Variants in BANK1 observed in about 807,000 individuals in gnomAD.
BANK1 encodes B cell scaffold protein with ankyrin repeats 1.
BANK1 carries 95 observed loss-of-function variants against 94.5 expected under a neutral mutation model. The ratio of observed to expected loss-of-function variants is 1.00; its 90% CI spans 0.85 to 1.19. The LOEUF is 1.19. Among genes scored for constraint, BANK1 ranks in the 50% most tolerant of loss-of-function variants. The pLI is 0.00. For missense variants in BANK1, 987 were observed against 932.2 expected (o/e 1.06, Z -0.77); for synonymous variants, 334 against 308.4 (o/e 1.08, Z -0.87).
chr4:101,995,934 A>G (rs1173585808), intron 7 of BANK1, among the ~76,000 whole-genome samples: 1 of 152,030 alleles, frequency 6.6e-6, no homozygotes, highest in Non-Finnish European at 1.5e-5. Context: ...GCTGTGCAGA[A>G]GTTTAGTTTA....
chr4:101,808,383 C>T (rs1725631607), intron 1 of BANK1, among the ~76,000 whole-genome samples: 1 of 152,020 alleles, frequency 6.6e-6, no homozygotes, highest in African/African-American at 2.4e-5. Context: ...AACAGAGAAG[C>T]ACAATTTCCA....
At chr4:101,923,361 A>T (rs558183827) in intron 7 of BANK1, among the ~76,000 whole-genome samples, 2 of 151,732 alleles carry the variant, frequency 1.3e-5, no homozygotes, top group Non-Finnish European at 2.9e-5. Context: ...CTATATATAT[A>T]TATGTGTGTG....
intron 7 of BANK1, among the ~76,000 whole-genome samples, chr4:101,942,134 T>C (rs1255908125): frequency 6.6e-6 from 1 of 151,892 alleles, no homozygotes; most frequent in Non-Finnish European, 1.5e-5. Flanking sequence ...TCTGGGTGAC[T>C]ACCAGCCTCA....
At chr4:101,810,202 C>T (rs901738413) in intron 1 of BANK1, among the ~76,000 whole-genome samples, 3 of 152,102 alleles carry the variant, frequency 2.0e-5, no homozygotes, top group Non-Finnish European at 4.4e-5. Flanking sequence ...TTCCTAAGGC[C>T]TATAGAAATA....
At chr4:101,857,019 C>T (rs1205622608) in intron 3 of BANK1, among the ~76,000 whole-genome samples, 1 of 152,076 alleles carries the variant, frequency 6.6e-6, no homozygotes, top group Non-Finnish European at 1.5e-5. Context: ...AGAGAAAAGA[C>T]CACTTTTACC....
intron 16 of BANK1, 107 bp from the exon 17 acceptor site, chr4:102,073,898 A>C (rs1728837938): frequency 1.7e-6 from 1 of 580,058 alleles, no homozygotes; most frequent in Admixed American, 3.4e-5. Flanking sequence ...GCTAAAGGTG[A>C]TTGCTCTGTA....
intron 11 of BANK1, among the ~76,000 whole-genome samples, chr4:102,046,986 G>A (rs914602936): frequency 1.4e-4 from 21 of 152,146 alleles, no homozygotes; most frequent in Admixed American, 4.6e-4. Flanking sequence ...AAATGGTGCC[G>A]GTAAATTGTT....
chr4:101,809,094 A>C (rs1275274751), intron 1 of BANK1, among the ~76,000 whole-genome samples: 2 of 152,234 alleles, frequency 1.3e-5, no homozygotes, highest in Non-Finnish European at 2.9e-5. Flanking sequence ...TAGGTAACCA[A>C]CATAAATGCC....
chr4:101,808,791 A>G (rs1245009168), intron 1 of BANK1, among the ~76,000 whole-genome samples: 1 of 152,168 alleles, frequency 6.6e-6, no homozygotes, highest in Non-Finnish European at 1.5e-5. Flanking sequence ...GCAAATTAAA[A>G]CCACAATGAG....
chr4:102,060,657 T>A lies in BANK1; in HGVS notation c.2148+268T>A, dbSNP rs543206380. Among the ~76,000 whole-genome samples, 25 of 152,298 alleles carry A rather than the reference T, an allele frequency of 1.6e-4. 1 individual carries two copies. In the South Asian group the frequency reaches 5.2e-3, roughly 32 times the overall value. On this transcript the variant is annotated intron_variant, in intron 12 of 16. Coordinates refer to ENST00000322953, the MANE Select transcript of BANK1 (RefSeq NM_017935.5). ...CTGTCTTTAGTAGAGTGAGTGTTTT[T>A]TGAATCTTGTTGCTGAAATTAAGGT...
intron 6 of BANK1, among the ~76,000 whole-genome samples, chr4:101,906,188 G>A (rs1201490177): frequency 6.6e-6 from 1 of 152,188 alleles, no homozygotes; most frequent in Non-Finnish European, 1.5e-5. Context: ...GAGTGTCCCA[G>A]TCAGTAGGAA....
intron 5 of BANK1, among the ~76,000 whole-genome samples, chr4:101,893,617 A>T (rs1033666182): frequency 3.9e-5 from 6 of 152,090 alleles, no homozygotes; most frequent in Admixed American, 2.0e-4. Context: ...ATTACCAATA[A>T]TTTTTTGCCC....
At chr4:101,882,288 A>T (rs571441179) in intron 5 of BANK1, among the ~76,000 whole-genome samples, 2 of 152,294 alleles carry the variant, frequency 1.3e-5, no homozygotes, top group East Asian at 3.9e-4. Flanking sequence ...CCCTCTTAAA[A>T]TACTTTGTTT....
At chr4:101,987,686 T>TA (rs1439722136) in intron 7 of BANK1, among the ~76,000 whole-genome samples, 13 of 152,068 alleles carry the variant, frequency 8.5e-5, no homozygotes, top group African/African-American at 2.2e-4. Context: ...TGACAAATAT[T>TA]AAAAAAAGAG....
At chr4:102,054,066 A>G (rs574848931) in intron 11 of BANK1, among the ~76,000 whole-genome samples, 6 of 152,134 alleles carry the variant, frequency 3.9e-5, no homozygotes, top group Admixed American at 6.5e-5. Flanking sequence ...CTCACAGAGC[A>G]GTAACAGTCA....
At chr4:101,870,474 C>G (rs760094584) in intron 4 of BANK1, 31 bp from the exon 5 acceptor site, 3 of 1,593,050 alleles carry the variant, frequency 1.9e-6, no homozygotes, top group Non-Finnish European at 2.6e-6. Flanking sequence ...ATTATATACT[C>G]TGCCCCTAAC....
chr4:102,037,297 C>G (rs1338022068), intron 10 of BANK1, among the ~76,000 whole-genome samples: 1 of 152,162 alleles, frequency 6.6e-6, no homozygotes, highest in Non-Finnish European at 1.5e-5. Context: ...TCTAAAGTGT[C>G]AACAGTAACA....
intron 7 of BANK1, among the ~76,000 whole-genome samples, chr4:102,009,917 T>C (rs1726428071): frequency 6.6e-6 from 1 of 152,180 alleles, no homozygotes; most frequent in Non-Finnish European, 1.5e-5. Flanking sequence ...TTGCCTAACC[T>C]ACTCTCTGAT....
intron 6 of BANK1, among the ~76,000 whole-genome samples, chr4:101,909,346 A>G (rs1722578210): frequency 6.6e-6 from 1 of 152,270 alleles, no homozygotes; most frequent in South Asian, 2.1e-4. Flanking sequence ...GAACAATGAG[A>G]ACACTTGGAC....
Sources: allele counts gnomAD v4.1 joint callset (sites outside exome capture counted in the v4.1 genomes callset), GRCh38; gene constraint gnomAD v4.1.1; transcripts MANE v1.5; gene names NCBI Gene and HGNC (gene_info 2026-07-23, HGNC 2026-07-21).